Variants in ADAM9 observed in about 807,000 individuals in gnomAD.
ADAM9 encodes the protein disintegrin and metalloproteinase domain-containing protein 9.
Under a neutral mutation model 108.1 loss-of-function variants are expected in ADAM9, and 54 were observed. That is an observed-to-expected ratio of 0.50 (90% CI 0.40 to 0.63). The LOEUF (loss-of-function observed/expected upper bound fraction) is 0.63, where lower values mean the gene tolerates loss of function less well. Ranked by LOEUF, ADAM9 falls within the 20% of genes least tolerant of loss-of-function variation. ADAM9 has a pLI of 0.00. For synonymous variants in ADAM9, 316 were observed against 336.0 expected, an observed-to-expected ratio of 0.94 and a Z score of 0.65; for missense variants, 830 against 997.7, an observed-to-expected ratio of 0.83 and a Z score of 2.26.
chr8:39,032,575 C>T (rs1180536854), intron 11 of ADAM9, among the ~76,000 whole-genome samples: 1 of 152,240 alleles, frequency 6.6e-6, no homozygotes, highest in East Asian at 1.9e-4. Context: ...TACAGTCTGT[C>T]ACGGCTTCCC....
At chr8:39,054,602 G>GAAAAAGAA in intron 13 of ADAM9, 29 bp downstream of exon 13, 1 of 944,768 alleles carries the variant, frequency 1.1e-6, no homozygotes, top group Non-Finnish European at 1.5e-6. Context: ...TTGGAAACAG[G>GAAAAAGAA]AAAAAAAAAA....
At chr8:39,094,892 C>T (rs66925354) in intron 20 of ADAM9, among the ~76,000 whole-genome samples, 35,830 of 151,882 alleles carry the variant, frequency 0.24, 4,534 homozygotes, top group South Asian at 0.31. Flanking sequence ...TACTATTTTT[C>T]CAGTATTTCA....
At chr8:39,085,040 T>G (rs1839143815) in intron 18 of ADAM9, among the ~76,000 whole-genome samples, 1 of 152,156 alleles carries the variant, frequency 6.6e-6, no homozygotes, top group South Asian at 2.1e-4. Flanking sequence ...ATGGAAAATC[T>G]TTTCCCATCC....
At chr8:39,003,832 A>G (rs1836079774) in intron 1 of ADAM9, among the ~76,000 whole-genome samples, 1 of 152,180 alleles carries the variant, frequency 6.6e-6, no homozygotes, top group Non-Finnish European at 1.5e-5. Flanking sequence ...TAGTTACGGC[A>G]TTTTGCTTTT....
chr8:38,997,257 C>T, intron 1 of ADAM9, 97 bp downstream of exon 1: 2 of 1,386,098 alleles, frequency 1.4e-6, no homozygotes, highest in Non-Finnish European at 2.0e-6. Context: ...GGGGCCCGGC[C>T]TGGGGATCGG....
intron 20 of ADAM9, among the ~76,000 whole-genome samples, chr8:39,100,834 G>A (rs1839671200): frequency 6.6e-6 from 1 of 152,170 alleles, no homozygotes; most frequent in Non-Finnish European, 1.5e-5. Flanking sequence ...CATTGATTTA[G>A]TAATTCCATC....
At chr8:39,055,249 A>C (rs1205417179) in intron 13 of ADAM9, among the ~76,000 whole-genome samples, 1 of 152,162 alleles carries the variant, frequency 6.6e-6, no homozygotes, top group African/African-American at 2.4e-5. Flanking sequence ...TTCTACCAAC[A>C]GTATTATCAA....
At chr8:39,004,726 G>A (rs1836107827) in intron 1 of ADAM9, among the ~76,000 whole-genome samples, 1 of 152,176 alleles carries the variant, frequency 6.6e-6, no homozygotes, top group Admixed American at 6.5e-5. Flanking sequence ...TGGGAAAGGG[G>A]CAAGGATTTT....
chr8:39,016,432 T>G (rs1836529503), intron 5 of ADAM9, among the ~76,000 whole-genome samples: 1 of 152,166 alleles, frequency 6.6e-6, no homozygotes, highest in African/African-American at 2.4e-5. Flanking sequence ...CACTAAATCA[T>G]TTTTGCTATT....
chr8:39,068,881 C>T (rs1838584810), intron 14 of ADAM9, among the ~76,000 whole-genome samples: 1 of 149,442 alleles, frequency 6.7e-6, no homozygotes, highest in Admixed American at 6.6e-5. Context: ...TTGTGTTCTA[C>T]TCTCTCCAGA....
At chr8:39,056,212 G>A (rs1182239488) in intron 14 of ADAM9, among the ~76,000 whole-genome samples, 5 of 151,918 alleles carry the variant, frequency 3.3e-5, no homozygotes, top group Admixed American at 3.3e-4. Flanking sequence ...AAAAATTTAT[G>A]TATTTTTTCT....
Position 39,014,046 on chromosome 8 carries a change from A to T in ADAM9, c.333+3A>T. The T allele has an allele frequency of 1.2e-6, 2 of 1,609,164 alleles. No homozygotes were observed. The highest frequency in any genetic ancestry group is 1.7e-6 in the Non-Finnish European group (2 of 1,175,540). Reference sequence around the variant, plus strand: ...TCACTGACCATCCCAATATACAGGTAATGTATTTTTCTCTTGATCCCATAG... The same window carrying T: ...TCACTGACCATCCCAATATACAGGTTATGTATTTTTCTCTTGATCCCATAG... On this transcript the variant is annotated splice_donor_region_variant and intron_variant, in intron 4 of 21. Coordinates refer to ENST00000487273, the MANE Select transcript of ADAM9 (RefSeq NM_003816.3).
chr8:39,039,787 T>C (rs1408943958), intron 11 of ADAM9, among the ~76,000 whole-genome samples: 2 of 152,242 alleles, frequency 1.3e-5, no homozygotes, highest in East Asian at 1.9e-4. Flanking sequence ...CATTCAACTG[T>C]TGACACTTTG....
intron 20 of ADAM9, among the ~76,000 whole-genome samples, chr8:39,097,202 G>A (rs1313296138): frequency 6.6e-6 from 1 of 152,102 alleles, no homozygotes; most frequent in East Asian, 1.9e-4. Flanking sequence ...TCTTTTTTGG[G>A]GATGTGTCCT....
chr8:39,090,543 C>T (rs1417911230), intron 19 of ADAM9, among the ~76,000 whole-genome samples: 1 of 152,136 alleles, frequency 6.6e-6, no homozygotes, highest in African/African-American at 2.4e-5. Context: ...AAATAGGGTT[C>T]TAAGTTATTT....
At chr8:39,031,259 T>G (rs1296209249) in intron 11 of ADAM9, among the ~76,000 whole-genome samples, 1 of 152,238 alleles carries the variant, frequency 6.6e-6, no homozygotes, top group Non-Finnish European at 1.5e-5. Flanking sequence ...TGTCTAGATT[T>G]ATTTATTTAT....
At chr8:39,012,891 C>T (rs556652014) in intron 3 of ADAM9, among the ~76,000 whole-genome samples, 1 of 152,162 alleles carries the variant, frequency 6.6e-6, no homozygotes, top group African/African-American at 2.4e-5. Context: ...CACATGTATA[C>T]ATATGTAACA....
intron 6 of ADAM9, among the ~76,000 whole-genome samples, chr8:39,018,385 C>T (rs1286783551): frequency 6.6e-6 from 1 of 152,100 alleles, no homozygotes; most frequent in African/African-American, 2.4e-5. Context: ...AAAATGGCAA[C>T]CTTATTCTAA....
chr8:39,031,024 G>T (rs1045591419), intron 11 of ADAM9, among the ~76,000 whole-genome samples: 4 of 152,106 alleles, frequency 2.6e-5, no homozygotes, highest in Non-Finnish European at 5.9e-5. Flanking sequence ...CTACTAGTCT[G>T]CAGCTTATCT....
Sources: allele counts gnomAD v4.1 joint callset (sites outside exome capture counted in the v4.1 genomes callset), GRCh38; gene constraint gnomAD v4.1.1; transcripts MANE v1.5; gene names NCBI Gene and HGNC (gene_info 2026-07-23, HGNC 2026-07-21).